AVEN: variants seen among roughly 807,000 people sequenced by gnomAD.
AVEN encodes apoptosis and caspase activation inhibitor.
AVEN carries 41 observed loss-of-function variants against 38.1 expected under a neutral mutation model. That is an observed-to-expected ratio of 1.08 (90% CI 0.84 to 1.40). The LOEUF (loss-of-function observed/expected upper bound fraction) is 1.40. Among genes scored for constraint, AVEN ranks in the 40% most tolerant of loss-of-function variants. AVEN has a pLI of 0.00. For synonymous variants in AVEN, 206 were observed against 171.8 expected, an observed-to-expected ratio of 1.20 and a Z score of -1.56; for missense variants, 605 against 438.8, an observed-to-expected ratio of 1.38 and a Z score of -3.38.
intron 2 of AVEN, among the ~76,000 whole-genome samples, chr15:33,879,313 A>G (rs984002458): frequency 2.0e-5 from 3 of 150,044 alleles, no homozygotes; most frequent in Non-Finnish European, 4.4e-5. Context: ...CAAAAAAACA[A>G]ACACCGCATG....
At chr15:33,921,209 T>C (rs1053209010) in intron 2 of AVEN, among the ~76,000 whole-genome samples, 4 of 152,222 alleles carry the variant, frequency 2.6e-5, no homozygotes, top group South Asian at 2.1e-4. Flanking sequence ...TAACAACACA[T>C]AGCTCAAGCT....
chr15:33,921,222 T>C (rs993022883), intron 2 of AVEN, among the ~76,000 whole-genome samples: 2 of 152,244 alleles, frequency 1.3e-5, no homozygotes, highest in African/African-American at 4.8e-5. Context: ...CTCAAGCTCC[T>C]AGTAGATAAA....
intron 1 of AVEN, among the ~76,000 whole-genome samples, chr15:34,032,625 G>T (rs1898909300): frequency 6.6e-6 from 1 of 151,738 alleles, no homozygotes; most frequent in African/African-American, 2.4e-5. Flanking sequence ...CACATACCTA[G>T]GGGTTCAGAA....
At chr15:33,865,423 A>ACCTGT (rs1166460588), downstream of AVEN, 58 of 520,098 alleles carry the variant, frequency 1.1e-4, 1 homozygote, top group Admixed American at 2.0e-3. Context: ...GTGGGAGAGA[A>ACCTGT]CCTGTCAAAA....
At chr15:33,901,692 A>C (rs114749629) in intron 2 of AVEN, among the ~76,000 whole-genome samples, 3 of 152,172 alleles carry the variant, frequency 2.0e-5, no homozygotes, top group African/African-American at 7.2e-5. Flanking sequence ...TGACTTTTTT[A>C]TAACAGCCAT....
intron 2 of AVEN, among the ~76,000 whole-genome samples, chr15:33,967,204 C>T (rs973207141): frequency 3.3e-5 from 5 of 152,076 alleles, no homozygotes; most frequent in African/African-American, 4.8e-5. Flanking sequence ...AACTAAAATT[C>T]ACTTCTTTCT....
downstream of AVEN, chr15:33,865,091 G>C (rs772528465): frequency 6.6e-7 from 1 of 1,515,476 alleles, no homozygotes. Context: ...AGCTTTTACT[G>C]TGGTTTAAAA....
rs1452302167 is a variant in AVEN at position 34,038,899 on chromosome 15, G to T, written c.148C>A (p.Arg50Ser). 1.1e-5 allele frequency: 12 copies of T among 1,122,304 alleles called. No individual in the cohort carries two copies. The South Asian group carries it at 4.2e-4, about 39-fold the overall frequency. 69.5% of individuals were successfully genotyped at this position (1,122,304 alleles called of 1,614,324 possible). Residue 50 changes from arginine to serine, a missense_variant, in exon 1 of 6, where the codon CGC becomes AGC. Transcript: ENST00000306730. ...GGGGGGDGGGRRGRGRGRGFR... is the reference protein window; with the variant it reads ...GGGGGGDGGGSRGRGRGRGFR... ...CCCCGGCCACGGCCACGGCCCCGGC[G>T]TCCGCCTCCGTCCCCGCCGCCGCCT...
intron 1 of AVEN, among the ~76,000 whole-genome samples, chr15:34,029,203 A>G (rs1000731400): frequency 1.3e-5 from 2 of 152,114 alleles, no homozygotes; most frequent in African/African-American, 4.8e-5. Flanking sequence ...CACCACCGCC[A>G]CTGCCAACTC....
chr15:33,985,325 T>G (rs1896375708), intron 2 of AVEN, among the ~76,000 whole-genome samples: 1 of 86,842 alleles, frequency 1.2e-5, no homozygotes, highest in South Asian at 3.1e-4. Flanking sequence ...ATTCAAAGAG[T>G]CCTGTACATG....
At chr15:33,860,162 G>A (rs996588824) in intron 11 of AVEN, among the ~76,000 whole-genome samples, 2 of 152,194 alleles carry the variant, frequency 1.3e-5, no homozygotes, top group African/African-American at 2.4e-5. Flanking sequence ...GATAAATTTA[G>A]CTTGAGTCAT....
chr15:33,883,536 GA>G (rs1197038772), intron 2 of AVEN: 1 of 152,046 alleles, frequency 6.6e-6, no homozygotes, highest in Admixed American at 6.5e-5. Flanking sequence ...TGCTACATGA[GA>G]AAAGCACGCT....
At chr15:33,896,228 G>A (rs1193895952) in intron 2 of AVEN, among the ~76,000 whole-genome samples, 2 of 152,214 alleles carry the variant, frequency 1.3e-5, no homozygotes, top group South Asian at 2.1e-4. Flanking sequence ...ATGCACAGAC[G>A]CAGGAAAATA....
intron 2 of AVEN, among the ~76,000 whole-genome samples, chr15:33,987,594 T>C (rs1382568633): frequency 2.6e-5 from 4 of 152,184 alleles, no homozygotes; most frequent in Admixed American, 6.5e-5. Flanking sequence ...TCTCCAACCA[T>C]GAGCTCCCAA....
At chr15:33,859,753 AG>A in intron 11 of AVEN, 2 of 1,592,844 alleles carry the variant, frequency 1.3e-6, no homozygotes, top group Non-Finnish European at 1.7e-6. Context: ...AATTGTGTTG[AG>A]TATGAACAGG....
At chr15:33,869,846 G>A (rs904640444) in intron 4 of AVEN, among the ~76,000 whole-genome samples, 10 of 142,734 alleles carry the variant, frequency 7.0e-5, no homozygotes, top group Admixed American at 2.8e-4. Flanking sequence ...TTTTTTGATC[G>A]TGCCAGAATG....
At chr15:34,031,168 ATTTT>A (rs34414446) in intron 1 of AVEN, among the ~76,000 whole-genome samples, 1 of 67,590 alleles carries the variant, frequency 1.5e-5, no homozygotes, top group African/African-American at 6.0e-5. Context: ...GCTTAGGTTA[ATTTT>A]TTTTTTTTTT....
At chr15:33,969,035 A>C (rs575095877) in intron 2 of AVEN, 9 of 152,260 alleles carry the variant, frequency 5.9e-5, no homozygotes, top group Admixed American at 5.2e-4. Flanking sequence ...ACTGCAAGAA[A>C]TAAAACACTG....
At chr15:33,952,764 G>T (rs1368254979) in intron 2 of AVEN, among the ~76,000 whole-genome samples, 2 of 151,134 alleles carry the variant, frequency 1.3e-5, no homozygotes, top group African/African-American at 4.9e-5. Flanking sequence ...AAGTATGTCT[G>T]AATGCCTAAT....
Sources: gnomAD v4.1 joint callset for allele counts (sites outside exome capture counted in the v4.1 genomes callset) on GRCh38, gnomAD v4.1.1 for gene constraint, MANE v1.5 for transcripts, NCBI Gene and HGNC (gene_info 2026-07-23, HGNC 2026-07-21) for gene names.